RNF5: variants seen among roughly 807,000 people sequenced by gnomAD.
The protein encoded by RNF5 is E3 ubiquitin-protein ligase RNF5.
RNF5 carries 16 observed loss-of-function variants against 24.4 expected under a neutral mutation model. The ratio of observed to expected loss-of-function variants is 0.66; its 90% confidence interval spans 0.44 to 1.00. The LOEUF (loss-of-function observed/expected upper bound fraction) is 1.00. RNF5 is among the 50% of genes least tolerant of loss of function. The pLI, the probability that RNF5 is intolerant of heterozygous loss-of-function variation, is 0.00. For synonymous variants in RNF5, 64 were observed against 88.5 expected, an observed-to-expected ratio of 0.72 and a Z score of 1.55; for missense variants, 185 against 236.7, an observed-to-expected ratio of 0.78 and a Z score of 1.43.
Position 32,178,642 on chromosome 6 carries a change from A to G in RNF5, c.131A>G (p.His44Arg). ...AREAVVSVCG[H>R]LYCWPCLHQW... is the part of the protein sequence containing the mutation. ...GAAGCTGTGGTCAGTGTGTGTGGCC[A>G]CCTGTACTGGTGAGAATCGAGGAGG... The change falls in exon 1 of 6, where the codon CAC becomes CGC. Residue 44 changes from histidine to arginine, a missense_variant. Transcript: ENST00000375094. 6.2e-7 allele frequency: 1 copy of G among 1,610,808 alleles called. No individual in the cohort carries two copies. The highest frequency in any genetic ancestry group is 8.5e-7 in the Non-Finnish European group (1 of 1,179,844).
At position 32,180,076 on chromosome 6, in the gene RNF5, G is replaced by A; in HGVS notation, c.395G>A (p.Gly132Asp). ...TTTGGTGTTGGTGCTTTTCCCTTTGGCTTTTTCACCACCGTCTTCAATGCC... is the reference window on the plus strand; with the variant it reads ...TTTGGTGTTGGTGCTTTTCCCTTTGACTTTTTCACCACCGTCTTCAATGCC... ...FSFGVGAFPF[G>D]FFTTVFNAHE... Residue 132 changes from glycine (G) to aspartate (D), a missense_variant, in exon 5 of 6, where the codon GGC becomes GAC. Coordinates refer to ENST00000375094, the MANE Select transcript of RNF5 (RefSeq NM_006913.4). The A allele has an allele frequency of 1.9e-6, 3 of 1,614,098 alleles. No individual in the cohort carries two copies. Among genetic ancestry groups the A allele is most frequent in the Non-Finnish European group, 2.5e-6 (3 of 1,180,016 alleles).
rs1055121971 is a variant in RNF5, at chr6:32,180,451, C to G, written c.*125C>G. On this transcript the variant is annotated 3_prime_UTR_variant, in exon 6 of 6. Transcript: ENST00000375094. Reference sequence around the variant, plus strand: ...TCTGTTGGCTAAGGCCAGCCCTGGACATTGTCCAGGAAGGCCTGGGGAGGA... The same window carrying G: ...TCTGTTGGCTAAGGCCAGCCCTGGAGATTGTCCAGGAAGGCCTGGGGAGGA... 6.6e-5 allele frequency: 57 copies of G among 868,636 alleles called. No individual in the cohort carries two copies. Among genetic ancestry groups the G allele is most frequent in the Admixed American group, 9.8e-5 (5 of 51,012 alleles). 53.8% of individuals were successfully genotyped at this position (868,636 alleles called of 1,614,324 possible).
In RNF5 at chr6:32,179,443, T is replaced by C; in HGVS notation, c.141-98T>C. ...ATCTGAAAAGCAACAGCAGGTTGCT[T>C]GGGAAGAGGGGTTAGATGGGATTCT... On this transcript the variant is annotated intron_variant, in intron 1 of 5. Coordinates refer to ENST00000375094, the MANE Select transcript of RNF5 (RefSeq NM_006913.4). The surrounding 1 kb of genome is among the most constrained non-coding windows in gnomAD (Gnocchi z 5.4). 1 of 1,478,946 alleles carries C rather than the reference T, an allele frequency of 6.8e-7. No individual in the cohort carries two copies. The highest frequency in any genetic ancestry group is 9.4e-7 in the Non-Finnish European group (1 of 1,066,440). The allele number at this position is 1,478,946 out of a possible 1,614,324, so 91.6% of individuals were successfully genotyped here.
rs1474551406 is a variant in RNF5, at chr6:32,180,098, T to C, written c.417T>C (p.Asn139=). 2 of 1,614,022 alleles carry C rather than the reference T, an allele frequency of 1.2e-6. No homozygotes were observed. Among genetic ancestry groups the C allele is most frequent in the African/African-American group, 1.3e-5 (1 of 74,918 alleles). The change falls in exon 5 of 6, where the codon AAT becomes AAC. Residue 139 remains asparagine, a synonymous_variant. Transcript: ENST00000375094. ...TTGGCTTTTTCACCACCGTCTTCAA[T>C]GCCCATGAGCCTTTCCGCCGGGGTA... The part of the protein sequence containing the change: ...FPFGFFTTVF[N]AHEPFRRGTG...
rs1288288986 is a variant in RNF5, at chr6:32,180,010, G to A, written c.329G>A (p.Gly110Glu). Residue 110 changes from glycine to glutamate, a missense_variant and splice_region_variant, in exon 5 of 6, where the codon GGA becomes GAA. Physicochemically the swap from Gly to Glu is moderately conservative, Grantham distance 98. Coordinates refer to ENST00000375094, the MANE Select transcript of RNF5 (RefSeq NM_006913.4). The stretch of plus-strand genomic sequence containing the variant: ...GTCTGACTTTTTCTGCCTCCCTAGG[G>A]ATTCCAGCCATTTGGTGATACCGGG... Reference protein sequence around the residue: ...GQRPAPESRGGFQPFGDTGGF... With the variant: ...GQRPAPESRGEFQPFGDTGGF... 2.5e-6 allele frequency: 4 copies of A among 1,614,208 alleles called. No individual in the cohort carries two copies. The highest frequency in any genetic ancestry group is 2.5e-6 in the Non-Finnish European group (3 of 1,180,022).
At chr6:32,178,962 G>A (rs891326172) in intron 1 of RNF5, among the ~76,000 whole-genome samples, 1 of 152,154 alleles carries the variant, frequency 6.6e-6, no homozygotes, top group African/African-American at 2.4e-5. Context: ...TCTTAGCTGT[G>A]CAGGTGGAAA....
chr6:32,180,177 C>T lies in RNF5; in HGVS notation c.445+51C>T, dbSNP rs569803151. The T allele has an allele frequency of 1.9e-6, 3 of 1,609,412 alleles. No individual in the cohort carries two copies. The African/African-American group carries it at 4.0e-5, about 21-fold the overall frequency. On this transcript the variant is annotated intron_variant, in intron 5 of 5. Transcript: ENST00000375094. The stretch of plus-strand genomic sequence containing the variant: ...AGGGAGCCCTGTGAATCCCCTCAGG[C>T]CCCCTCCCAGCCTAGGAGCATATGC...
Position 32,180,613 on chromosome 6 carries a change from G to T in RNF5, c.*287G>T. 2.2e-6 allele frequency: 1 copy of T among 456,970 alleles called. No individual in the cohort carries two copies. The highest frequency in any genetic ancestry group is 3.9e-6 in the Non-Finnish European group (1 of 258,072). The allele number at this position is 456,970 out of a possible 1,614,324, so 28.3% of individuals were successfully genotyped here. A position where few individuals can be genotyped will look rare whatever the true frequency, so the allele number is the denominator to read the frequency against. ...CCTCTCCTAAGTCTTTGCTTTCCCT[G>T]ATTTCTTGATTTGATCTTCAAAGGT... On this transcript the variant is annotated 3_prime_UTR_variant, in exon 6 of 6. Transcript: ENST00000375094.
Position 32,178,428 on chromosome 6 carries a change from C to A in RNF5, c.-84C>A. The A allele has an allele frequency of 1.7e-6, 2 of 1,156,970 alleles. No homozygotes were observed. The highest frequency in any genetic ancestry group is 1.2e-6 in the Non-Finnish European group (1 of 835,204). The allele number at this position is 1,156,970 out of a possible 1,614,324, so 71.7% of individuals were successfully genotyped here. A position where few individuals can be genotyped will look rare whatever the true frequency, so the allele number is the denominator to read the frequency against. ...TTGAAGCCTGCCCAACGATCGTGGGCAGGAGGTGGTTTCTGGTTTGTTGGG... is the reference window on the plus strand; with the variant it reads ...TTGAAGCCTGCCCAACGATCGTGGGAAGGAGGTGGTTTCTGGTTTGTTGGG... On this transcript the variant is annotated 5_prime_UTR_variant, in exon 1 of 6. Coordinates refer to ENST00000375094, the MANE Select transcript of RNF5 (RefSeq NM_006913.4).
Position 32,180,022 on chromosome 6 carries a change from T to C in RNF5, c.341T>C (p.Phe114Ser). ...CTGCCTCCCTAGGGATTCCAGCCAT[T>C]TGGTGATACCGGGGGCTTCCACTTC... is the stretch of plus-strand genomic sequence containing the variant. ...APESRGGFQP[F>S]GDTGGFHFSF... The change falls in exon 5 of 6, where the codon TTT becomes TCT. Residue 114 changes from phenylalanine to serine, a missense_variant. Phe to Ser is a radical substitution (Grantham distance 155). Coordinates refer to ENST00000375094, the MANE Select transcript of RNF5 (RefSeq NM_006913.4). The C allele has an allele frequency of 6.2e-7, 1 of 1,614,232 alleles. No individual in the cohort carries two copies. Among genetic ancestry groups the C allele is most frequent in the Non-Finnish European group, 8.5e-7 (1 of 1,180,028 alleles).
Position 32,179,949 on chromosome 6 carries a change from G to T in RNF5, c.327+18G>T, listed in dbSNP as rs765896308. Reference sequence around the variant, plus strand: ...GCAGAGGGGTGAGTCTTCTTGTCCAGTTGTGTCCCTTCCTTGACAGATTTG... The same window carrying T: ...GCAGAGGGGTGAGTCTTCTTGTCCATTTGTGTCCCTTCCTTGACAGATTTG... On this transcript the variant is annotated intron_variant, in intron 4 of 5. Transcript: ENST00000375094. This position sits in a 1 kb window ranked among gnomAD's most constrained non-coding sequence, Gnocchi z 5.4. The T allele has an allele frequency of 2.5e-6, 4 of 1,614,226 alleles. No individual in the cohort carries two copies. In the Admixed American group the frequency reaches 6.7e-5, roughly 27 times the overall value.
Position 32,180,521 on chromosome 6 carries a change from C to T in RNF5, c.*195C>T. On this transcript the variant is annotated 3_prime_UTR_variant, in exon 6 of 6. Coordinates refer to ENST00000375094, the MANE Select transcript of RNF5 (RefSeq NM_006913.4). The stretch of plus-strand genomic sequence containing the variant: ...GATGGGAGAGCCTTCTGCTCAGAGG[C>T]TCACTCAGTAACGTTGTTTAATTCT... 5.0e-6 allele frequency: 3 copies of T among 595,174 alleles called. No individual in the cohort carries two copies. Among genetic ancestry groups the T allele is most frequent in the Non-Finnish European group, 9.0e-6 (3 of 334,076 alleles). 36.9% of individuals were successfully genotyped at this position (595,174 alleles called of 1,614,324 possible).
Position 32,180,412 on chromosome 6 carries a change from T to C in RNF5, c.*86T>C, listed in dbSNP as rs919706470. ...GACCCTTCCGTACTCCTGGACCCCC[T>C]TGACCCCTCTATTTCTGTTGGCTAA... On this transcript the variant is annotated 3_prime_UTR_variant, in exon 6 of 6. Coordinates refer to ENST00000375094, the MANE Select transcript of RNF5 (RefSeq NM_006913.4). 2.4e-6 allele frequency: 3 copies of C among 1,233,242 alleles called. No homozygotes were observed. The highest frequency in any genetic ancestry group is 3.5e-6 in the Non-Finnish European group (3 of 849,538). 76.4% of individuals were successfully genotyped at this position (1,233,242 alleles called of 1,614,324 possible). A position where few individuals can be genotyped will look rare whatever the true frequency, so the allele number is the denominator to read the frequency against.
chr6:32,179,606 T>A lies in RNF5; in HGVS notation c.160-45T>A, dbSNP rs1785907569. 1 of 1,613,774 alleles carries A rather than the reference T, an allele frequency of 6.2e-7. No individual in the cohort carries two copies. Among genetic ancestry groups the A allele is most frequent in the Admixed American group, 1.7e-5 (1 of 59,994 alleles). On this transcript the variant is annotated intron_variant, in intron 2 of 5. Transcript: ENST00000375094. This position sits in a 1 kb window ranked among gnomAD's most constrained non-coding sequence, Gnocchi z 5.4. ...AGGGAAATGGGGAGGTCTGAGGAGC[T>A]GTAAGACCCTCTTGTATACTGGAAA...
At chr6:32,180,164 G>A (rs761294384) in intron 5 of RNF5, 38 bp downstream of exon 5, 2 of 1,611,960 alleles carry the variant, frequency 1.2e-6, no homozygotes, top group South Asian at 1.1e-5. Context: ...GGAGCCCTGT[G>A]AATCCCCTCA....
Position 32,179,773 on chromosome 6 carries a change from TGGA to T in RNF5, c.272+13_272+15del. On this transcript the variant is annotated intron_variant, in intron 3 of 5. Transcript: ENST00000375094. The surrounding 1 kb of genome is among the most constrained non-coding windows in gnomAD (Gnocchi z 5.4). ...AGCCCCAGGATCCCAGGTGAGAGAC[TGGA>T]GGTGTTGCTTAGGGAAGATTGAAGG... 1 of 1,613,778 alleles carries T rather than the reference TGGA, an allele frequency of 6.2e-7. No individual in the cohort carries two copies.
chr6:32,179,535 A>G lies in RNF5; in HGVS notation c.141-6A>G. ...TGACCTTTTTTTTTTTTTCTCCCCC[A>G]TCCAGTTGGCCATGTCTTCATCAGG... On this transcript the variant is annotated splice_polypyrimidine_tract_variant and splice_region_variant and intron_variant, in intron 1 of 5. Coordinates refer to ENST00000375094, the MANE Select transcript of RNF5 (RefSeq NM_006913.4). The surrounding 1 kb of genome is among the most constrained non-coding windows in gnomAD (Gnocchi z 5.4). 6.2e-7 allele frequency: 1 copy of G among 1,606,964 alleles called. No homozygotes were observed. Among genetic ancestry groups the G allele is most frequent in the Non-Finnish European group, 8.5e-7 (1 of 1,177,864 alleles).
In RNF5 at chr6:32,179,808, C is replaced by T. The variant is rs773420897; in HGVS notation, c.272+45C>T. On this transcript the variant is annotated intron_variant, in intron 3 of 5. Coordinates refer to ENST00000375094, the MANE Select transcript of RNF5 (RefSeq NM_006913.4). This position sits in a 1 kb window ranked among gnomAD's most constrained non-coding sequence, Gnocchi z 5.4. ...GCTTAGGGAAGATTGAAGGCTTCTG[C>T]CCTTGGAAAACGGTGTGGAAGATGG... The T allele has an allele frequency of 1.2e-6, 2 of 1,612,872 alleles. No individual in the cohort carries two copies. Among genetic ancestry groups the T allele is most frequent in the Non-Finnish European group, 8.5e-7 (1 of 1,179,060 alleles).
chr6:32,180,086 C>G lies in RNF5; in HGVS notation c.405C>G (p.Thr135=), dbSNP rs773823528. The G allele has an allele frequency of 3.5e-5, 57 of 1,614,016 alleles. No individual in the cohort carries two copies. The highest frequency in any genetic ancestry group is 3.1e-5 in the Non-Finnish European group (36 of 1,180,044). ...GVGAFPFGFF[T]TVFNAHEPFR... ...GTGCTTTTCCCTTTGGCTTTTTCAC[C>G]ACCGTCTTCAATGCCCATGAGCCTT... is the stretch of plus-strand genomic sequence containing the variant. Residue 135 remains threonine (T), a synonymous_variant, in exon 5 of 6, where the codon ACC becomes ACG. Coordinates refer to ENST00000375094, the MANE Select transcript of RNF5 (RefSeq NM_006913.4).
Sources: allele counts gnomAD v4.1 joint callset (sites outside exome capture counted in the v4.1 genomes callset), GRCh38; gene constraint gnomAD v4.1.1; non-coding constraint Gnocchi (gnomAD v3.1); transcripts MANE v1.5; gene names NCBI Gene and HGNC (gene_info 2026-07-23, HGNC 2026-07-21).